DLGAP2: variants seen among roughly 807,000 people sequenced by gnomAD.
The protein encoded by DLGAP2 is disks large-associated protein 2.
In DLGAP2, 26 loss-of-function variants were observed where a neutral mutation model predicts 100.3. That is an observed-to-expected ratio of 0.26 (90% CI 0.19 to 0.36). The LOEUF (loss-of-function observed/expected upper bound fraction) is 0.36. DLGAP2 is among the 10% of genes least tolerant of loss of function. The probability of loss-of-function intolerance (pLI) is 1.00; values close to 1 mark genes in which losing one functional copy is unlikely to be tolerated. For missense variants in DLGAP2, 1,858 were observed against 1,453.2 expected, an observed-to-expected ratio of 1.28 and a Z score of -4.53; for synonymous variants, 886 against 630.1, an observed-to-expected ratio of 1.41 and a Z score of -6.08.
intron 2 of DLGAP2, among the ~76,000 whole-genome samples, chr8:942,664 G>A (rs963239474): frequency 6.6e-6 from 1 of 152,144 alleles, no homozygotes; most frequent in Non-Finnish European, 1.5e-5. Flanking sequence ...AGCTTTCATC[G>A]TATTTCAGTG....
chr8:1,048,750 C>T (rs1361569714), intron 2 of DLGAP2, among the ~76,000 whole-genome samples: 2 of 152,016 alleles, frequency 1.3e-5, no homozygotes, highest in Non-Finnish European at 1.5e-5. Flanking sequence ...CCTGTCCCCA[C>T]ATCTGCCGCC....
intron 2 of DLGAP2, among the ~76,000 whole-genome samples, chr8:1,241,977 G>A (rs1170374138): frequency 2.0e-5 from 3 of 152,174 alleles, no homozygotes; most frequent in Admixed American, 1.3e-4. Flanking sequence ...TTCCTTTATG[G>A]CCCGAGATGG....
intron 3 of DLGAP2, among the ~76,000 whole-genome samples, chr8:1,499,924 C>T (rs11136400): frequency 0.7 from 104,454 of 149,740 alleles, 36,639 homozygotes; most frequent in African/African-American, 0.78. Flanking sequence ...TCCAGCATCA[C>T]ACTCTGAAAT....
intron 2 of DLGAP2, among the ~76,000 whole-genome samples, chr8:942,110 C>T (rs1030883517): frequency 1.3e-5 from 2 of 152,184 alleles, no homozygotes; most frequent in African/African-American, 4.8e-5. Flanking sequence ...GTGCATGCCA[C>T]TATGTCCAGC....
At chr8:1,297,976 G>T (rs1800228523) in intron 3 of DLGAP2, among the ~76,000 whole-genome samples, 1 of 46,200 alleles carries the variant, frequency 2.2e-5, no homozygotes, top group Non-Finnish European at 4.0e-5. Context: ...AGACAGGGAG[G>T]AGAAACGTGG....
chr8:1,538,902 T>C (rs1212915252), intron 4 of DLGAP2, among the ~76,000 whole-genome samples: 15 of 150,768 alleles, frequency 9.9e-5, no homozygotes, highest in Non-Finnish European at 8.9e-5. Flanking sequence ...TTTTTTTTTT[T>C]TTTGAGACAG....
intron 3 of DLGAP2, among the ~76,000 whole-genome samples, chr8:1,471,892 G>C (rs1584936411): frequency 6.6e-6 from 1 of 152,212 alleles, no homozygotes; most frequent in African/African-American, 2.4e-5. Flanking sequence ...CTCTGCGCAG[G>C]CCTGCGGTCC....
At chr8:1,464,875 C>T (rs1489434729) in intron 3 of DLGAP2, among the ~76,000 whole-genome samples, 1 of 152,136 alleles carries the variant, frequency 6.6e-6, no homozygotes, top group Non-Finnish European at 1.5e-5. Flanking sequence ...CAGAGGAGGA[C>T]ATAGAATCAC....
At chr8:1,225,976 G>T (rs1798406064) in intron 2 of DLGAP2, among the ~76,000 whole-genome samples, 1 of 151,730 alleles carries the variant, frequency 6.6e-6, no homozygotes, top group African/African-American at 2.4e-5. Context: ...ATTTTAGAAA[G>T]ATATTTTTAC....
chr8:1,517,511 T>C (rs1800435567), intron 4 of DLGAP2, among the ~76,000 whole-genome samples: 2 of 151,998 alleles, frequency 1.3e-5, no homozygotes, highest in Non-Finnish European at 2.9e-5. Flanking sequence ...GAGCTGTGCA[T>C]CCTCAGGGAG....
At chr8:970,662 T>C (rs964762732) in intron 2 of DLGAP2, among the ~76,000 whole-genome samples, 1 of 152,208 alleles carries the variant, frequency 6.6e-6, no homozygotes, top group African/African-American at 2.4e-5. Context: ...AATGGGAACA[T>C]GTGTGTTCTG....
chr8:1,497,849 G>C (rs1175133222), intron 3 of DLGAP2, among the ~76,000 whole-genome samples: 1 of 152,228 alleles, frequency 6.6e-6, no homozygotes, highest in East Asian at 1.9e-4. Flanking sequence ...TCCTGTTGTC[G>C]ACAAAAAGAG....
intron 1 of DLGAP2, among the ~76,000 whole-genome samples, chr8:833,231 G>A (rs1243480341): frequency 6.6e-6 from 1 of 152,186 alleles, no homozygotes; most frequent in Admixed American, 6.5e-5. Context: ...GGCGCACTGG[G>A]GGAGTCAGCA....
At chr8:1,646,741 G>A (rs1490266730) in intron 8 of DLGAP2, among the ~76,000 whole-genome samples, 1 of 152,204 alleles carries the variant, frequency 6.6e-6, no homozygotes, top group South Asian at 2.1e-4. Flanking sequence ...CTGCTGACAG[G>A]TCGAGGCTGG....
chr8:1,595,012 C>G (rs888708593), intron 6 of DLGAP2, among the ~76,000 whole-genome samples: 2 of 152,038 alleles, frequency 1.3e-5, no homozygotes, highest in Admixed American at 1.3e-4. Context: ...ACACTGTCCT[C>G]CACACAACAG....
intron 2 of DLGAP2, among the ~76,000 whole-genome samples, chr8:971,428 A>C (rs181053871): frequency 6.6e-6 from 1 of 152,154 alleles, no homozygotes; most frequent in Non-Finnish European, 1.5e-5. Context: ...TTCCTCCCCA[A>C]AATTGGAGCA....
intron 3 of DLGAP2, among the ~76,000 whole-genome samples, chr8:1,372,352 T>G (rs1802261304): frequency 6.6e-6 from 1 of 152,052 alleles, no homozygotes; most frequent in Admixed American, 6.5e-5. Flanking sequence ...TTAATGTGCT[T>G]CCAACACTTA....
intron 2 of DLGAP2, among the ~76,000 whole-genome samples, chr8:1,007,197 G>C (rs958825102): frequency 3.0e-4 from 45 of 152,298 alleles, no homozygotes; most frequent in African/African-American, 9.9e-4. Flanking sequence ...TATCATGTCG[G>C]GGACACCGTG....
Position 763,184 on chromosome 8 carries a change from G to A in DLGAP2, c.18+25359G>A, listed in dbSNP as rs1027506336. Among the ~76,000 whole-genome samples the A allele has an allele frequency of 5.4e-4, 82 of 152,330 alleles. 1 individual carries two copies. The highest frequency in any genetic ancestry group is 1.8e-3 in the African/African-American group (74 of 41,562). On this transcript the variant is annotated intron_variant, in intron 1 of 14. Coordinates refer to ENST00000637795, the MANE Select transcript of DLGAP2 (RefSeq NM_001346810.2). The stretch of plus-strand genomic sequence containing the variant: ...GACCGTGCCCTGGAAGGAGCACGGC[G>A]TTGTGGAGACATGGACTATCAGCAG...
Sources: allele counts gnomAD v4.1 joint callset (sites outside exome capture counted in the v4.1 genomes callset), GRCh38; gene constraint gnomAD v4.1.1; transcripts MANE v1.5; gene names NCBI Gene and HGNC (gene_info 2026-07-23, HGNC 2026-07-21).